ZNF75A: variants seen among roughly 807,000 people sequenced by gnomAD.
ZNF75A encodes zinc finger protein 75A.
Under a neutral mutation model 46.3 loss-of-function variants are expected in ZNF75A, and 36 were observed. The ratio of observed to expected loss-of-function variants is 0.78; its 90% CI spans 0.60 to 1.03. The LOEUF (loss-of-function observed/expected upper bound fraction) is 1.03. Ranked by LOEUF, ZNF75A falls within the 50% of genes least tolerant of loss-of-function variation. ZNF75A has a pLI of 0.00. For synonymous variants in ZNF75A, 234 were observed against 189.9 expected, an observed-to-expected ratio of 1.23 and a Z score of -1.91; for missense variants, 595 against 551.3, an observed-to-expected ratio of 1.08 and a Z score of -0.79.
Position 3,317,563 on chromosome 16 carries a change from T to TA in ZNF75A, c.1310dup (p.Arg438GlufsTer3). On this transcript the variant is annotated frameshift_variant, in exon 7 of 7. Coordinates refer to ENST00000669516, the MANE Select transcript of ZNF75A (RefSeq NM_001302109.2). LOFTEE classifies it high-confidence loss of function. The stretch of plus-strand genomic sequence containing the variant: ...AACCCTATAAATGTCAACAGTGTGA[T>TA]AAGAGGTTTAGATGGAGTTCAGATC... The TA allele has an allele frequency of 6.2e-7, 1 of 1,614,104 alleles. No individual in the cohort carries two copies. The highest frequency in any genetic ancestry group is 8.5e-7 in the Non-Finnish European group (1 of 1,180,006).
At chr16:3,313,665 C>G (rs1567270419) in intron 5 of ZNF75A, among the ~76,000 whole-genome samples, 1 of 152,218 alleles carries the variant, frequency 6.6e-6, no homozygotes, top group African/African-American at 2.4e-5. Flanking sequence ...TTAACAGGTG[C>G]GCCTGCATCT....
At chr16:3,306,903 A>C (rs968085356) in intron 1 of ZNF75A, 1 of 152,080 alleles carries the variant, frequency 6.6e-6, no homozygotes, top group African/African-American at 2.4e-5. Context: ...CATCCAAAAA[A>C]TATTAAATGG....
At chr16:3,312,998 C>CCTTTTCTCCTTTTTT in intron 4 of ZNF75A, 51 bp from the exon 5 acceptor site, 1 of 1,552,596 alleles carries the variant, frequency 6.4e-7, no homozygotes, top group Non-Finnish European at 8.7e-7. Context: ...GGTGGCTAGG[C>CCTTTTCTCCTTTTTT]TGCTTCTGTA....
At chr16:3,323,290 C>T (rs1484791815), downstream of ZNF75A, 2 of 900,938 alleles carry the variant, frequency 2.2e-6, no homozygotes, top group African/African-American at 3.2e-5. Flanking sequence ...TGATGGACCA[C>T]TGAGAGGTGG....
chr16:3,307,438 T>G (rs1326363202), intron 1 of ZNF75A: 2 of 152,242 alleles, frequency 1.3e-5, no homozygotes, highest in African/African-American at 4.8e-5. Context: ...TACTACTGTA[T>G]TTTGATCTCA....
Position 3,313,157 on chromosome 16 carries a change from G to C in ZNF75A, c.805G>C (p.Glu269Gln), listed in dbSNP as rs1334233581. The C allele has an allele frequency of 1.2e-6, 2 of 1,614,048 alleles. No individual in the cohort carries two copies. The highest frequency in any genetic ancestry group is 3.3e-5 in the Admixed American group (2 of 59,984). The change falls in exon 5 of 7, where the codon GAG becomes CAG. Residue 269 changes from glutamate (E) to glutamine (Q), a missense_variant. By Grantham distance (29) the Glu-to-Gln change is conservative (BLOSUM62 2). Transcript: ENST00000669516. ...LYNDVMQENY[E>Q]TVISLALFVL... Reference sequence around the variant, plus strand: ...CAATGATGTAATGCAGGAAAACTATGAGACTGTCATCTCTCTAGGTAAAGA... The same window carrying C: ...CAATGATGTAATGCAGGAAAACTATCAGACTGTCATCTCTCTAGGTAAAGA...
chr16:3,313,810 A>T (rs1266970595), intron 5 of ZNF75A, among the ~76,000 whole-genome samples: 1 of 152,154 alleles, frequency 6.6e-6, no homozygotes, highest in Admixed American at 6.5e-5. Context: ...TGATATTACC[A>T]GGGCTCCAGG....
intron 2 of ZNF75A, chr16:3,310,763 G>T: frequency 1.0e-6 from 1 of 985,386 alleles, no homozygotes; most frequent in Non-Finnish European, 1.2e-6. Flanking sequence ...TGCACTGATG[G>T]GTAATGTCCT....
At chr16:3,318,988 G>A, downstream of ZNF75A, 1 of 328,784 alleles carries the variant, frequency 3.0e-6, no homozygotes, top group Non-Finnish European at 4.4e-6. Context: ...ATTGCCAAAA[G>A]TCTGTATAGC....
rs147870851 is a variant in ZNF75A at position 3,316,987 on chromosome 16, C to T, written c.899C>T (p.Pro300Leu). The change falls in exon 6 of 7, where the codon CCG (proline) becomes CTG (leucine). Residue 300 changes from proline to leucine, a missense_variant. Physicochemically the swap from Pro to Leu is moderately conservative, Grantham distance 98 (BLOSUM62 -3). Coordinates refer to ENST00000669516, the MANE Select transcript of ZNF75A (RefSeq NM_001302109.2). ...QGEEPWVQVS[P>L]EFKDSAGKSP... is the part of the protein sequence containing the mutation. ...GAAGAGCCATGGGTTCAAGTATCCC[C>T]GGAGTTTAAGGATAGTGCCGGAAAA... 82 of 1,613,962 alleles carry T rather than the reference C, an allele frequency of 5.1e-5. 1 individual carries two copies. The highest frequency in any genetic ancestry group is 4.7e-4 in the South Asian group (43 of 91,064).
In ZNF75A at chr16:3,313,040, C is replaced by T. The variant is rs759437817; in HGVS notation, c.697-9C>T. ...CAGGTTCTGAGCTGAAGTCCATTCT[C>T]TTCTTTAGAGCTTGTTGACATTTGA... On this transcript the variant is annotated splice_polypyrimidine_tract_variant and intron_variant, in intron 4 of 6. Coordinates refer to ENST00000669516, the MANE Select transcript of ZNF75A (RefSeq NM_001302109.2). 19 of 1,609,210 alleles carry T rather than the reference C, an allele frequency of 1.2e-5. No homozygotes were observed. Among genetic ancestry groups the T allele is most frequent in the Non-Finnish European group, 1.4e-5 (17 of 1,177,410 alleles).
At chr16:3,309,751 CAA>C (rs766446616) in intron 2 of ZNF75A, among the ~76,000 whole-genome samples, 8 of 55,598 alleles carry the variant, frequency 1.4e-4, no homozygotes, top group Admixed American at 2.1e-4. Flanking sequence ...GAGAACCTGT[CAA>C]AAAAAAAAAA....
At position 3,317,890 on chromosome 16, in the gene ZNF75A, C is replaced by G. The variant is rs1448695770; in HGVS notation, c.*21C>G. On this transcript the variant is annotated 3_prime_UTR_variant, in exon 7 of 7. Transcript: ENST00000669516. Reference sequence around the variant, plus strand: ...TGTGAAGAGAAGCTTGTCCAGTGTCCTCATTCTGAAGACATTCACCAAATG... The same window carrying G: ...TGTGAAGAGAAGCTTGTCCAGTGTCGTCATTCTGAAGACATTCACCAAATG... 6.4e-6 allele frequency: 10 copies of G among 1,557,428 alleles called. No individual in the cohort carries two copies. The highest frequency in any genetic ancestry group is 7.8e-6 in the Non-Finnish European group (9 of 1,152,794).
intron 1 of ZNF75A, chr16:3,306,263 C>T (rs1236467110): frequency 2.0e-5 from 3 of 152,234 alleles, no homozygotes; most frequent in African/African-American, 4.8e-5. Context: ...TCACTTTCAT[C>T]GTCACCAACT....
intron 1 of ZNF75A, chr16:3,305,887 A>G (rs1960170683): frequency 6.6e-6 from 1 of 152,226 alleles, no homozygotes; most frequent in Admixed American, 6.5e-5. Context: ...GCCCACGGGC[A>G]CGCCTGTCGC....
At position 3,317,016 on chromosome 16, in the gene ZNF75A, C is replaced by T; in HGVS notation, c.928C>T (p.Pro310Ser). 6.2e-7 allele frequency: 1 copy of T among 1,613,008 alleles called. No individual in the cohort carries two copies. Among genetic ancestry groups the T allele is most frequent in the African/African-American group, 1.3e-5 (1 of 74,986 alleles). ...GTTTAAGGATAGTGCCGGAAAATCT[C>T]CTACAGGTAAATATACCATGGGAAG... ...PEFKDSAGKSPTGLKLKNDTE... is the reference protein window; with the variant it reads ...PEFKDSAGKSSTGLKLKNDTE... The change falls in exon 6 of 7, where the codon CCT becomes TCT. Residue 310 changes from proline to serine, a missense_variant. By Grantham distance (74) the Pro-to-Ser change is moderately conservative. Coordinates refer to ENST00000669516, the MANE Select transcript of ZNF75A (RefSeq NM_001302109.2).
downstream of ZNF75A, among the ~76,000 whole-genome samples, chr16:3,320,589 G>C (rs975679658): frequency 6.6e-6 from 1 of 152,166 alleles, no homozygotes; most frequent in African/African-American, 2.4e-5. Flanking sequence ...GTCAGTTCAA[G>C]GGGACAAGGC....
intron 5 of ZNF75A, chr16:3,315,178 G>A (rs951437250): frequency 1.8e-5 from 7 of 389,462 alleles, no homozygotes; most frequent in Admixed American, 6.6e-5. Context: ...GGCAAACAAA[G>A]TACTGTCATG....
At chr16:3,322,038 C>T (rs1214268325), downstream of ZNF75A, among the ~76,000 whole-genome samples, 4 of 152,144 alleles carry the variant, frequency 2.6e-5, no homozygotes, top group Admixed American at 1.3e-4. Flanking sequence ...GGTCACTCCT[C>T]CCTGTCATGT....
Sources: allele counts gnomAD v4.1 joint callset (sites outside exome capture counted in the v4.1 genomes callset), GRCh38; gene constraint gnomAD v4.1.1; transcripts MANE v1.5; gene names NCBI Gene and HGNC (gene_info 2026-07-23, HGNC 2026-07-21).